The following SETBP1 variants were observed in gnomAD, a reference collection of about 807,000 sequenced individuals.
SETBP1 encodes the protein SET-binding protein.
Under a neutral mutation model 101.0 loss-of-function variants are expected in SETBP1, and 9 were observed. The ratio of observed to expected loss-of-function variants is 0.09; its 90% confidence interval spans 0.05 to 0.16. The LOEUF (loss-of-function observed/expected upper bound fraction) is 0.16, where lower values mean the gene tolerates loss of function less well. Ranked by LOEUF, SETBP1 falls within the 10% of genes least tolerant of loss-of-function variation. SETBP1 has a pLI of 1.00. For synonymous variants in SETBP1, 818 were observed against 788.5 expected (o/e 1.04, Z -0.63); for missense variants, 1,858 against 2,033.8 (o/e 0.91, Z 1.66).
chr18:44,886,345 A>G (rs2069647478), intron 3 of SETBP1, among the ~76,000 whole-genome samples: 1 of 152,096 alleles, frequency 6.6e-6, no homozygotes, highest in African/African-American at 2.4e-5. Flanking sequence ...AAGGATTTTC[A>G]ATATAGGTGT....
intron 3 of SETBP1, among the ~76,000 whole-genome samples, chr18:44,885,859 A>C (rs2069633349): frequency 7.2e-6 from 1 of 138,884 alleles, no homozygotes; most frequent in African/African-American, 3.0e-5. Context: ...AAAAAAAACA[A>C]AAAAAAAAAC....
chr18:44,877,041 G>A (rs1486510010), intron 3 of SETBP1: 7 of 1,116,906 alleles, frequency 6.3e-6, no homozygotes, highest in Middle Eastern at 3.8e-4. Context: ...CGATCACTTA[G>A]GAAACACATG....
chr18:45,008,686 G>A (rs2072777840), intron 4 of SETBP1, among the ~76,000 whole-genome samples: 1 of 152,190 alleles, frequency 6.6e-6, no homozygotes, highest in African/African-American at 2.4e-5. Flanking sequence ...GAAGCAGGGA[G>A]CAAAAATAAA....
At chr18:44,984,271 T>C (rs531818894) in intron 4 of SETBP1, among the ~76,000 whole-genome samples, 1 of 152,240 alleles carries the variant, frequency 6.6e-6, no homozygotes, top group African/African-American at 2.4e-5. Context: ...TGGAAGACAA[T>C]TTCTTCACAG....
At chr18:44,727,783 G>T (rs902934854) in intron 2 of SETBP1, among the ~76,000 whole-genome samples, 1 of 152,048 alleles carries the variant, frequency 6.6e-6, no homozygotes, top group Admixed American at 6.6e-5. Flanking sequence ...AACACTTCTG[G>T]GCTGAGATGC....
At chr18:44,802,155 T>G (rs1880727289) in intron 2 of SETBP1, among the ~76,000 whole-genome samples, 1 of 152,022 alleles carries the variant, frequency 6.6e-6, no homozygotes, top group African/African-American at 2.4e-5. Context: ...GCTTCCATCA[T>G]TTTTTTTGCA....
chr18:44,903,074 C>T (rs1455700949), intron 3 of SETBP1, among the ~76,000 whole-genome samples: 1 of 152,182 alleles, frequency 6.6e-6, no homozygotes, highest in Non-Finnish European at 1.5e-5. Context: ...TGACCATCCA[C>T]TGCTACGTAC....
intron 4 of SETBP1, among the ~76,000 whole-genome samples, chr18:44,985,184 C>T (rs12960053): frequency 0.29 from 44,739 of 151,938 alleles, 7,461 homozygotes; most frequent in East Asian, 0.54. Flanking sequence ...AGAGATCTGT[C>T]TACATGTGCT....
intron 4 of SETBP1, among the ~76,000 whole-genome samples, chr18:44,996,830 A>G (rs1304362758): frequency 6.6e-6 from 1 of 152,214 alleles, no homozygotes; most frequent in East Asian, 1.9e-4. Context: ...GCAAGGGAGA[A>G]GACAAAGGGA....
rs1402762862 is a variant in SETBP1, at chr18:44,948,660, G to A, written c.541-1221G>A. Among the ~76,000 whole-genome samples, 10 of 152,120 alleles carry A rather than the reference G, an allele frequency of 6.6e-5. No individual in the cohort carries two copies. The East Asian group carries it at 1.7e-3, about 26-fold the overall frequency. ...GTTCTTAGGCTAATGCATCCTGTAA[G>A]TTTACTACTTTATGTATAAATTGGG... On this transcript the variant is annotated intron_variant, in intron 3 of 5. Transcript: ENST00000649279.
intron 4 of SETBP1, among the ~76,000 whole-genome samples, chr18:44,956,945 G>A (rs1027646076): frequency 3.9e-5 from 6 of 152,000 alleles, no homozygotes; most frequent in South Asian, 2.1e-4. Context: ...TGTATTTTAC[G>A]CCTCCTTTTT....
intron 3 of SETBP1, among the ~76,000 whole-genome samples, chr18:44,885,587 T>C (rs2060376562): frequency 6.6e-6 from 1 of 152,010 alleles, no homozygotes; most frequent in Admixed American, 6.6e-5. Context: ...CCTGATAGGA[T>C]TAAAAAGCTA....
intron 3 of SETBP1, among the ~76,000 whole-genome samples, chr18:44,886,763 ATTATTAT>A (rs1344018007): frequency 7.2e-6 from 1 of 138,270 alleles, no homozygotes; most frequent in Admixed American, 7.1e-5. Context: ...TTTTATTATT[ATTATTAT>A]TATTATTATT....
At chr18:45,004,824 G>A (rs2072691502) in intron 4 of SETBP1, among the ~76,000 whole-genome samples, 2 of 152,202 alleles carry the variant, frequency 1.3e-5, no homozygotes, top group South Asian at 4.1e-4. Flanking sequence ...TGACATTTCT[G>A]CCAAGATTAG....
chr18:44,892,453 C>T (rs1238004737), intron 3 of SETBP1, among the ~76,000 whole-genome samples: 3 of 152,164 alleles, frequency 2.0e-5, no homozygotes, highest in Non-Finnish European at 4.4e-5. Flanking sequence ...ATGGCTTAGG[C>T]CTTTTAAAGC....
chr18:45,034,111 A>G (rs2073349413), intron 4 of SETBP1, among the ~76,000 whole-genome samples: 1 of 152,234 alleles, frequency 6.6e-6, no homozygotes, highest in Non-Finnish European at 1.5e-5. Context: ...CACAGACCCT[A>G]CTTTTCCTTC....
chr18:44,949,205 A>G (rs571212321), intron 3 of SETBP1, among the ~76,000 whole-genome samples: 1 of 152,232 alleles, frequency 6.6e-6, no homozygotes, highest in South Asian at 2.1e-4. Context: ...CGTGCCCTCG[A>G]TTGGCCCACT....
rs1263823238 is a variant in SETBP1 at position 44,950,681 on chromosome 18, A to G, written c.1341A>G (p.Val447=). ...CTGGAATCACCATGAGCAGTGAAGT[A>G]GTTAACAGGATACTTTCCAACTCTG... ...LASGITMSSE[V]VNRILSNSEG... The change falls in exon 4 of 6, where the codon GTA becomes GTG. Residue 447 remains valine, a synonymous_variant. Coordinates refer to ENST00000649279, the MANE Select transcript of SETBP1 (RefSeq NM_015559.3). 1.9e-6 allele frequency: 3 copies of G among 1,614,210 alleles called. No individual in the cohort carries two copies. The highest frequency in any genetic ancestry group is 2.5e-6 in the Non-Finnish European group (3 of 1,180,032).
At chr18:44,760,094 T>C (rs1484216335) in intron 2 of SETBP1, among the ~76,000 whole-genome samples, 1 of 152,172 alleles carries the variant, frequency 6.6e-6, no homozygotes, top group Non-Finnish European at 1.5e-5. Flanking sequence ...AGTACTAGGG[T>C]AATACATGTC....
Sources: allele counts gnomAD v4.1 joint callset (sites outside exome capture counted in the v4.1 genomes callset), GRCh38; gene constraint gnomAD v4.1.1; transcripts MANE v1.5; gene names NCBI Gene and HGNC (gene_info 2026-07-23, HGNC 2026-07-21).